The following GRIK1 variants were observed in gnomAD, a reference collection of about 807,000 sequenced individuals.
GRIK1 encodes glutamate ionotropic receptor kainate type subunit 1, also known as glutamate receptor ionotropic, kainate 1.
Under a neutral mutation model 105.7 loss-of-function variants are expected in GRIK1, and 69 were observed. That is an observed-to-expected ratio of 0.65 (90% CI 0.54 to 0.80). The LOEUF is 0.80. Ranked by LOEUF, GRIK1 falls within the 30% of genes least tolerant of loss-of-function variation. GRIK1 has a pLI of 0.00. For synonymous variants in GRIK1, 438 were observed against 431.3 expected, an observed-to-expected ratio of 1.02 and a Z score of -0.19; for missense variants, 1,109 against 1,167.3, an observed-to-expected ratio of 0.95 and a Z score of 0.73.
intron 1 of GRIK1, among the ~76,000 whole-genome samples, chr21:29,871,353 T>TA (rs1442663851): frequency 1.1e-4 from 16 of 152,340 alleles, no homozygotes; most frequent in Non-Finnish European, 2.2e-4. Context: ...ACTTCATTCT[T>TA]ACACAAACCC....
chr21:29,644,012 G>A (rs565182714), intron 6 of GRIK1, among the ~76,000 whole-genome samples: 1 of 152,194 alleles, frequency 6.6e-6, no homozygotes, highest in East Asian at 1.9e-4. Flanking sequence ...TTTCTGGAGA[G>A]TAATAGGGAT....
intron 1 of GRIK1, among the ~76,000 whole-genome samples, chr21:29,896,330 A>G (rs903910881): frequency 6.6e-6 from 1 of 152,144 alleles, no homozygotes; most frequent in Non-Finnish European, 1.5e-5. Context: ...TCAGTATCAC[A>G]CTGCAATATT....
At chr21:29,564,254 TCTC>T (rs2090557415) in intron 14 of GRIK1, among the ~76,000 whole-genome samples, 1 of 151,812 alleles carries the variant, frequency 6.6e-6, no homozygotes, top group African/African-American at 2.4e-5. Flanking sequence ...TTCACGCCAT[TCTC>T]CTGCCTCAGC....
chr21:29,892,929 T>C (rs1425428461), intron 1 of GRIK1, among the ~76,000 whole-genome samples: 2 of 152,188 alleles, frequency 1.3e-5, no homozygotes, highest in African/African-American at 4.8e-5. Context: ...ATCCCAGCAC[T>C]TTGGGAGGCT....
intron 1 of GRIK1, among the ~76,000 whole-genome samples, chr21:29,762,562 A>ATT (rs139786049): frequency 2.3e-3 from 353 of 152,332 alleles, no homozygotes; most frequent in African/African-American, 8.0e-3. Flanking sequence ...AAAGAGGTAA[A>ATT]TAACTTTTCA....
intron 1 of GRIK1, among the ~76,000 whole-genome samples, chr21:29,848,433 A>G (rs1408995347): frequency 6.6e-6 from 1 of 152,140 alleles, no homozygotes; most frequent in Non-Finnish European, 1.5e-5. Flanking sequence ...GCCTAGTGCA[A>G]TTGAATCCTC....
At chr21:29,929,230 AC>A (rs1434495604) in intron 1 of GRIK1, among the ~76,000 whole-genome samples, 1 of 152,142 alleles carries the variant, frequency 6.6e-6, no homozygotes, top group African/African-American at 2.4e-5. Context: ...GCTAAGAACC[AC>A]CGGAAGTGGA....
chr21:29,676,315 G>T (rs976633860), intron 3 of GRIK1, among the ~76,000 whole-genome samples: 1 of 152,172 alleles, frequency 6.6e-6, no homozygotes, highest in Non-Finnish European at 1.5e-5. Context: ...AACAGGGAGG[G>T]AGTGAGTTTT....
chr21:29,579,871 G>T (rs929701215), intron 13 of GRIK1, among the ~76,000 whole-genome samples: 3 of 151,534 alleles, frequency 2.0e-5, no homozygotes, highest in Admixed American at 1.3e-4. Flanking sequence ...GGGGGTGGGT[G>T]CACTCAATGA....
intron 1 of GRIK1, among the ~76,000 whole-genome samples, chr21:29,839,011 A>G (rs2067891256): frequency 6.6e-6 from 1 of 151,736 alleles, no homozygotes; most frequent in Non-Finnish European, 1.5e-5. Flanking sequence ...GAAGAGTACA[A>G]ATTAATGAAT....
At chr21:29,902,213 A>G (rs2070436611) in intron 1 of GRIK1, among the ~76,000 whole-genome samples, 1 of 152,228 alleles carries the variant, frequency 6.6e-6, no homozygotes, top group African/African-American at 2.4e-5. Flanking sequence ...AAAACCTGGA[A>G]GCATTTCCTT....
At chr21:29,729,145 G>A (rs2064546524) in intron 1 of GRIK1, among the ~76,000 whole-genome samples, 1 of 152,236 alleles carries the variant, frequency 6.6e-6, no homozygotes, top group East Asian at 1.9e-4. Flanking sequence ...TAATGTGTTG[G>A]AAATACCACT....
chr21:29,599,355 C>A (rs182327659), intron 7 of GRIK1, among the ~76,000 whole-genome samples: 1 of 152,264 alleles, frequency 6.6e-6, no homozygotes, highest in East Asian at 1.9e-4. Flanking sequence ...CTAATATAGT[C>A]CAATGATGTA....
intron 9 of GRIK1, 145 bp downstream of exon 9, chr21:29,596,381 C>T (rs2061412990): frequency 1.3e-6 from 1 of 764,474 alleles, no homozygotes; most frequent in South Asian, 1.4e-5. Flanking sequence ...CATATTCAAT[C>T]ACTCCTCTCT....
intron 12 of GRIK1, among the ~76,000 whole-genome samples, chr21:29,582,778 A>G (rs2091050048): frequency 6.6e-6 from 1 of 152,144 alleles, no homozygotes; most frequent in Non-Finnish European, 1.5e-5. Flanking sequence ...GCCATTTGCC[A>G]TTGGGTCTTT....
intron 1 of GRIK1, among the ~76,000 whole-genome samples, chr21:29,816,922 A>G (rs2067169600): frequency 6.6e-6 from 1 of 152,168 alleles, no homozygotes; most frequent in South Asian, 2.1e-4. Context: ...ATTTCAAAAT[A>G]GTTAGAAAAT....
chr21:29,735,795 GCTGATCGCGCCA>G (rs2146916941), intron 1 of GRIK1, among the ~76,000 whole-genome samples: 1 of 148,134 alleles, frequency 6.8e-6, no homozygotes, highest in South Asian at 2.1e-4. Context: ...TACTTGGGAG[GCTGATCGCGCCA>G]CTGCACTCCA....
intron 1 of GRIK1, among the ~76,000 whole-genome samples, chr21:29,882,908 A>T (rs10470088): frequency 0.079 from 12,015 of 151,984 alleles, 1,245 homozygotes; most frequent in African/African-American, 0.24. Context: ...ACTAATAACC[A>T]GGGGCTGCAA....
intron 1 of GRIK1, among the ~76,000 whole-genome samples, chr21:29,875,733 T>A (rs531817651): frequency 1.3e-5 from 2 of 152,336 alleles, no homozygotes; most frequent in South Asian, 2.1e-4. Context: ...GTAATTATGA[T>A]GTACTCTTTG....
Sources: allele counts gnomAD v4.1 joint callset (sites outside exome capture counted in the v4.1 genomes callset), GRCh38; gene constraint gnomAD v4.1.1; transcripts MANE v1.5; gene names NCBI Gene and HGNC (gene_info 2026-07-23, HGNC 2026-07-21).